Variants in DMBX1 observed in about 807,000 individuals in gnomAD.
DMBX1 encodes the protein diencephalon/mesencephalon homeobox 1, also known as diencephalon/mesencephalon homeobox protein 1.
DMBX1 carries 7 observed loss-of-function variants against 30.4 expected under a neutral mutation model. The ratio of observed to expected loss-of-function variants is 0.23; its 90% CI spans 0.13 to 0.43. DMBX1 has a LOEUF of 0.43. Ranked by LOEUF, DMBX1 falls within the 20% of genes least tolerant of loss-of-function variation. The pLI is 1.00. For missense variants in DMBX1, 460 were observed against 508.5 expected, an observed-to-expected ratio of 0.90 and a Z score of 0.92; for synonymous variants, 222 against 214.2, an observed-to-expected ratio of 1.04 and a Z score of -0.32.
chr1:46,494,062 A>C (rs559387295), intron 2 of DMBX1, among the ~76,000 whole-genome samples: 1 of 152,324 alleles, frequency 6.6e-6, no homozygotes, highest in East Asian at 1.9e-4. Context: ...GCCCTGCTCC[A>C]TCTCGGCTCC....
Position 46,506,984 on chromosome 1 carries a change from CT to C in DMBX1, c.-12-11del. 1 of 1,612,854 alleles carries C rather than the reference CT, an allele frequency of 6.2e-7. No homozygotes were observed. ...TAGGCCTGCCTCATGGCCCCTCTCC[CT>C]TTTCCGTCTGTAGGCGGATGCCGCC... is the stretch of plus-strand genomic sequence containing the variant. On this transcript the variant is annotated splice_polypyrimidine_tract_variant and intron_variant, in intron 2 of 5. Coordinates refer to ENST00000360032, the MANE Select transcript of DMBX1 (RefSeq NM_172225.2).
At chr1:46,506,732 C>T (rs1172590001) in intron 2 of DMBX1, among the ~76,000 whole-genome samples, 2 of 152,218 alleles carry the variant, frequency 1.3e-5, no homozygotes, top group Non-Finnish European at 2.9e-5. Flanking sequence ...GAGGTTTCAG[C>T]CTGCCCTGGG....
In DMBX1 at chr1:46,512,382, G is replaced by A. The variant is rs1383507237; in HGVS notation, c.1022G>A (p.Gly341Asp). ...CCTCTGCTGCCTGCACCCCCAGCAG[G>A]CCTGGCTCCTGCATCAGCTACCCTG... ...GSPLLPAPPA[G>D]LAPASATLNS... is the part of the protein sequence containing the mutation. Residue 341 changes from glycine to aspartate, a missense_variant, in exon 6 of 6, where the codon GGC becomes GAC. Coordinates refer to ENST00000360032, the MANE Select transcript of DMBX1 (RefSeq NM_172225.2). This position sits in a 1 kb window ranked among gnomAD's most constrained non-coding sequence, Gnocchi z 4.8. 1 of 1,614,020 alleles carries A rather than the reference G, an allele frequency of 6.2e-7. No homozygotes were observed. Among genetic ancestry groups the A allele is most frequent in the Non-Finnish European group, 8.5e-7 (1 of 1,180,004 alleles).
intron 5 of DMBX1, 136 bp downstream of exon 5, chr1:46,511,419 A>G: frequency 9.6e-7 from 1 of 1,041,824 alleles, no homozygotes; most frequent in Non-Finnish European, 1.3e-6. Flanking sequence ...GGCCTGGGCC[A>G]GGTTTTCACC....
Position 46,512,134 on chromosome 1 carries a change from C to T in DMBX1, c.774C>T (p.Leu258=), listed in dbSNP as rs1666387306. 2.5e-6 allele frequency: 4 copies of T among 1,613,958 alleles called. No homozygotes were observed. In the East Asian group the frequency reaches 6.7e-5, roughly 27 times the overall value. Residue 258 remains leucine, a synonymous_variant, in exon 6 of 6, where the codon CTC becomes CTT. Coordinates refer to ENST00000360032, the MANE Select transcript of DMBX1 (RefSeq NM_172225.2). The surrounding 1 kb of genome is among the most constrained non-coding windows in gnomAD (Gnocchi z 4.8). ...SHSYSSSPLS[L]FRLQEQFRQH... is the part of the protein sequence containing the mutation. ...CCTATTCCTCGTCCCCGCTGAGCCT[C>T]TTCCGTCTGCAGGAGCAATTCCGCC...
chr1:46,498,222 C>T (rs1666061357), intron 2 of DMBX1, among the ~76,000 whole-genome samples: 1 of 152,182 alleles, frequency 6.6e-6, no homozygotes, highest in South Asian at 2.1e-4. Flanking sequence ...CTCTTGAGGC[C>T]TATGTCCTGG....
intron 2 of DMBX1, among the ~76,000 whole-genome samples, chr1:46,501,500 C>G (rs774994066): frequency 6.6e-6 from 1 of 151,662 alleles, no homozygotes; most frequent in Non-Finnish European, 1.5e-5. Context: ...CCAGGCTGGT[C>G]TCGAACACTG....
At chr1:46,506,352 C>G (rs1666235646) in intron 2 of DMBX1, among the ~76,000 whole-genome samples, 1 of 152,258 alleles carries the variant, frequency 6.6e-6, no homozygotes, top group Non-Finnish European at 1.5e-5. Context: ...GCCACTGTGC[C>G]CAGCCCTGGG....
At chr1:46,492,210 A>G (rs917914766) in intron 2 of DMBX1, among the ~76,000 whole-genome samples, 1 of 152,250 alleles carries the variant, frequency 6.6e-6, no homozygotes. Context: ...TCTGCCAGAT[A>G]GTGGGCTTAC....
chr1:46,496,664 A>C (rs1011096586), intron 2 of DMBX1, among the ~76,000 whole-genome samples: 1 of 152,236 alleles, frequency 6.6e-6, no homozygotes, highest in Non-Finnish European at 1.5e-5. Flanking sequence ...ACACACATGC[A>C]TACACATGAA....
chr1:46,515,695 T>C lies in DMBX1; in HGVS notation c.*3201T>C, dbSNP rs1018868894. The stretch of plus-strand genomic sequence containing the variant: ...CGTGCATCTCCTCTGAGCACGCTTG[T>C]AAGCAGCACCGCGCTTCCCTTCTTG... On this transcript the variant is annotated 3_prime_UTR_variant, in exon 6 of 6. Transcript: ENST00000360032. Among the ~76,000 whole-genome samples, 9 of 152,236 alleles carry C rather than the reference T, an allele frequency of 5.9e-5. No homozygotes were observed. Among genetic ancestry groups the C allele is most frequent in the African/African-American group, 1.9e-4 (8 of 41,458 alleles).
chr1:46,490,509 G>A (rs1387952799), intron 1 of DMBX1, among the ~76,000 whole-genome samples, 135 bp from the exon 2 acceptor site: 27 of 152,280 alleles, frequency 1.8e-4, no homozygotes. Flanking sequence ...GGGCTGGGGA[G>A]GGGGCGCGGC....
In DMBX1 at chr1:46,491,127, C is replaced by T. The variant is rs1665921259; in HGVS notation, c.-13+344C>T. Among the ~76,000 whole-genome samples the T allele has an allele frequency of 6.6e-6, 1 of 152,216 alleles. No homozygotes were observed. The highest frequency in any genetic ancestry group is 1.5e-5 in the Non-Finnish European group (1 of 68,040). The stretch of plus-strand genomic sequence containing the variant: ...AGGGGCTTCGTTGGCACTGGTGGTT[C>T]ACTTAAGGAGCTTGAGGGAAACCTC... On this transcript the variant is annotated intron_variant, in intron 2 of 5. Coordinates refer to ENST00000360032, the MANE Select transcript of DMBX1 (RefSeq NM_172225.2). The surrounding 1 kb of genome is among the most constrained non-coding windows in gnomAD (Gnocchi z 5.5).
chr1:46,501,256 TTCTTTCTTTCTTTCTC>T lies in DMBX1; in HGVS notation c.-12-5741_-12-5726del, dbSNP rs796448353. On this transcript the variant is annotated intron_variant, in intron 2 of 5. Coordinates refer to ENST00000360032, the MANE Select transcript of DMBX1 (RefSeq NM_172225.2). ...TTTCTTTCTTTCTTTCTTTCTTTCT[TTCTTTCTTTCTTTCTC>T]TTCTTTCTTTCTTTCCTTCTCTCTT... Among the ~76,000 whole-genome samples, 193 of 137,314 alleles carry T rather than the reference TTCTTTCTTTCTTTCTC, an allele frequency of 1.4e-3. 5 individuals are homozygous for T. The highest frequency in any genetic ancestry group is 2.2e-3 in the South Asian group (9 of 4,024). 90.1% of individuals were successfully genotyped at this position (137,314 alleles called of 152,430 possible).
rs1280769405 is a variant in DMBX1, at chr1:46,501,264, TTCTTTCTC to T, written c.-12-5733_-12-5726del. Among the ~76,000 whole-genome samples the T allele has an allele frequency of 8.7e-3, 1,076 of 123,876 alleles. 36 individuals carry two copies. The highest frequency in any genetic ancestry group is 0.013 in the South Asian group (48 of 3,570). The allele number at this position is 123,876 out of a possible 152,430, so 81.3% of individuals were successfully genotyped here. ...TTTCTTTCTTTCTTTCTTTCTTTCT[TTCTTTCTC>T]TTCTTTCTTTCTTTCCTTCTCTCTT... On this transcript the variant is annotated intron_variant, in intron 2 of 5. Coordinates refer to ENST00000360032, the MANE Select transcript of DMBX1 (RefSeq NM_172225.2).
At chr1:46,499,981 T>G (rs959206430) in intron 2 of DMBX1, among the ~76,000 whole-genome samples, 1 of 152,188 alleles carries the variant, frequency 6.6e-6, no homozygotes, top group Non-Finnish European at 1.5e-5. Context: ...TGGAGAGAGA[T>G]GCCTTGTCAG....
Position 46,508,121 on chromosome 1 carries a change from TCCCAGGTCCAGCCTTG to T in DMBX1, c.154+958_154+973del, listed in dbSNP as rs569133902. Among the ~76,000 whole-genome samples, 235 of 151,900 alleles carry T rather than the reference TCCCAGGTCCAGCCTTG, an allele frequency of 1.5e-3. 1 individual carries two copies. The highest frequency in any genetic ancestry group is 5.2e-3 in the African/African-American group (215 of 41,386). ...AGGTGGTGCCACCCACCCCATCCTG[TCCCAGGTCCAGCCTTG>T]AGCAGCTGGTAAACCCACATGGGCT... On this transcript the variant is annotated intron_variant, in intron 3 of 5. Transcript: ENST00000360032.
Position 46,510,330 on chromosome 1 carries a change from G to A in DMBX1, c.155-146G>A, listed in dbSNP as rs917776265. On this transcript the variant is annotated intron_variant, in intron 3 of 5. Transcript: ENST00000360032. The surrounding 1 kb of genome is among the most constrained non-coding windows in gnomAD (Gnocchi z 4.1). ...CCCACAGCCATATGGAGAGGGGATGGCTGATTTCTAAGGGTAAGGGACCAG... is the reference window on the plus strand; with the variant it reads ...CCCACAGCCATATGGAGAGGGGATGACTGATTTCTAAGGGTAAGGGACCAG... The A allele has an allele frequency of 4.1e-6, 4 of 967,068 alleles. No homozygotes were observed. Among genetic ancestry groups the A allele is most frequent in the Non-Finnish European group, 6.0e-6 (4 of 670,592 alleles). The allele number at this position is 967,068 out of a possible 1,614,324, so 59.9% of individuals were successfully genotyped here.
chr1:46,510,356 G>A lies in DMBX1; in HGVS notation c.155-120G>A. Reference sequence around the variant, plus strand: ...CTGATTTCTAAGGGTAAGGGACCAGGGCCAGCTCTGGCAGCAGCCTGGGTG... The same window carrying A: ...CTGATTTCTAAGGGTAAGGGACCAGAGCCAGCTCTGGCAGCAGCCTGGGTG... On this transcript the variant is annotated intron_variant, in intron 3 of 5. Transcript: ENST00000360032. This position sits in a 1 kb window ranked among gnomAD's most constrained non-coding sequence, Gnocchi z 4.1. The A allele has an allele frequency of 7.8e-7, 1 of 1,286,116 alleles. No individual in the cohort carries two copies. Among genetic ancestry groups the A allele is most frequent in the South Asian group, 1.5e-5 (1 of 67,310 alleles). The allele number at this position is 1,286,116 out of a possible 1,614,324, so 79.7% of individuals were successfully genotyped here. A position where few individuals can be genotyped will look rare whatever the true frequency, so the allele number is the denominator to read the frequency against.
Sources: allele counts gnomAD v4.1 joint callset (sites outside exome capture counted in the v4.1 genomes callset), GRCh38; gene constraint gnomAD v4.1.1; non-coding constraint Gnocchi (gnomAD v3.1); transcripts MANE v1.5; gene names NCBI Gene and HGNC (gene_info 2026-07-23, HGNC 2026-07-21).